Variants in NBPF15 observed in about 807,000 individuals in gnomAD.
NBPF15 encodes the protein NBPF family member NBPF15.
Under a neutral mutation model 62.2 loss-of-function variants are expected in NBPF15, and 74 were observed. The ratio of observed to expected loss-of-function variants is 1.19; its 90% CI spans 0.99 to 1.44. NBPF15 has a LOEUF of 1.44. Among genes scored for constraint, NBPF15 ranks in the 40% most tolerant of loss-of-function variants. The pLI, the probability that NBPF15 is intolerant of heterozygous loss-of-function variation, is 0.00. For synonymous variants in NBPF15, 244 were observed against 209.7 expected, an observed-to-expected ratio of 1.16 and a Z score of -1.41; for missense variants, 790 against 550.0, an observed-to-expected ratio of 1.44 and a Z score of -4.36.
At position 144,451,921 on chromosome 1, in the gene NBPF15, G is replaced by A. The variant is rs1691424357; in HGVS notation, c.-431-1051C>T. ...AATCCTAGCACTTTGAGAGGCCAAG[G>A]CAGGTGGATCACTTGAGGTCAAGAG... On this transcript the variant is annotated intron_variant, in intron 4 of 21. Coordinates refer to ENST00000581897, the MANE Select transcript of NBPF15 (RefSeq NM_001385408.1). 2.0e-5 allele frequency among the ~76,000 whole-genome samples: 3 copies of A among 151,772 alleles called. 1 individual carries two copies. Among genetic ancestry groups the A allele is most frequent in the Non-Finnish European group, 4.4e-5 (3 of 67,978 alleles).
Position 144,439,829 on chromosome 1 carries a change from T to C in NBPF15, c.175A>G (p.Lys59Glu), listed in dbSNP as rs1242156954. 3.8e-6 allele frequency: 6 copies of C among 1,597,160 alleles called. No individual in the cohort carries two copies. The South Asian group carries it at 6.6e-5, about 18-fold the overall frequency. Residue 59 changes from lysine (K) to glutamate (E), a missense_variant and splice_region_variant, in exon 8 of 22, where the codon AAA becomes GAA. Lys to Glu is a moderately conservative substitution (Grantham distance 56). Transcript: ENST00000581897. Reference sequence around the variant, plus strand: ...ATGACGGTGAGCCTATAGATCTTACTGTATTTCTTCTGTCGGTTGGCCAGG... The same window carrying C: ...ATGACGGTGAGCCTATAGATCTTACCGTATTTCTTCTGTCGGTTGGCCAGG... ...GFLANRQKKY[K>E]YEECKDLIKF... is the part of the protein sequence containing the mutation.
intron 4 of NBPF15, among the ~76,000 whole-genome samples, chr1:144,452,531 C>A (rs1490516223): frequency 5.9e-5 from 9 of 151,364 alleles, no homozygotes; most frequent in African/African-American, 2.0e-4. Flanking sequence ...TGACTACAAA[C>A]AGGTTCAAGG....
chr1:144,422,809 G>C lies in NBPF15; in HGVS notation c.*204C>G. On this transcript the variant is annotated 3_prime_UTR_variant, in exon 22 of 22. Transcript: ENST00000581897. ...CCCGGCATGTTCTGCACAGTTATGT[G>C]AACGTGTCACACCTAACATGGGTCC... 3 of 1,303,624 alleles carry C rather than the reference G, an allele frequency of 2.3e-6. No individual in the cohort carries two copies. The highest frequency in any genetic ancestry group is 1.4e-5 in the South Asian group (1 of 69,928). The allele number at this position is 1,303,624 out of a possible 1,614,324, so 80.8% of individuals were successfully genotyped here. A position where few individuals can be genotyped will look rare whatever the true frequency, so the allele number is the denominator to read the frequency against.
chr1:144,427,238 C>T (rs1379933213), intron 16 of NBPF15, 140 bp from the exon 17 acceptor site: 24 of 668,318 alleles, frequency 3.6e-5, no homozygotes, highest in East Asian at 2.3e-4. Flanking sequence ...CTTCAAGAGG[C>T]CTGAAGGCTG....
chr1:144,456,126 G>T (rs1414578611), intron 4 of NBPF15, among the ~76,000 whole-genome samples: 1 of 151,570 alleles, frequency 6.6e-6, no homozygotes, highest in African/African-American at 2.4e-5. Flanking sequence ...TAGCCTGGGG[G>T]ATGCGGGTGG....
chr1:144,431,565 C>T (rs1469515660), intron 13 of NBPF15, among the ~76,000 whole-genome samples: 3 of 146,742 alleles, frequency 2.0e-5, no homozygotes, highest in African/African-American at 7.6e-5. Context: ...CATATGTATA[C>T]ATGTCCACAT....
chr1:144,424,583 T>G lies in NBPF15; in HGVS notation c.1663+107A>C, dbSNP rs1197760800. 8 of 655,860 alleles carry G rather than the reference T, an allele frequency of 1.2e-5. No homozygotes were observed. The African/African-American group carries it at 1.3e-4, about 10-fold the overall frequency. The allele number at this position is 655,860 out of a possible 1,614,324, so 40.6% of individuals were successfully genotyped here. A position where few individuals can be genotyped will look rare whatever the true frequency, so the allele number is the denominator to read the frequency against. ...CCTACATGTGCCTATAGGTCCTCAC[T>G]GCGGCAATGACATCTCTCAGCTCAG... On this transcript the variant is annotated intron_variant, in intron 20 of 21. Coordinates refer to ENST00000581897, the MANE Select transcript of NBPF15 (RefSeq NM_001385408.1).
Position 144,431,295 on chromosome 1 carries a change from A to C in NBPF15, c.825-1432T>G, listed in dbSNP as rs1164723971. On this transcript the variant is annotated intron_variant, in intron 13 of 21. Transcript: ENST00000581897. ...TGTCAGATTCACCAAGGTTGAAATG[A>C]AGGAAAAAATGCTAAGGGCAGCCAG... Among the ~76,000 whole-genome samples the C allele has an allele frequency of 5.2e-3, 777 of 150,620 alleles. 13 individuals carry two copies. Among genetic ancestry groups the C allele is most frequent in the African/African-American group, 0.018 (722 of 40,300 alleles).
Position 144,439,888 on chromosome 1 carries a change from T to C in NBPF15, c.116A>G (p.Lys39Arg). ...AEKKQQFRNL[K>R]EKCFLTQLAG... is the part of the protein sequence containing the mutation. ...CAGTTGAGTTAGAAAACATTTCTCT[T>C]TGAGGTTTCTGAACTGCTGTTTCTT... The change falls in exon 8 of 22, where the codon AAA becomes AGA. Residue 39 changes from lysine (K) to arginine (R), a missense_variant. Transcript: ENST00000581897. 1 of 1,611,236 alleles carries C rather than the reference T, an allele frequency of 6.2e-7. No homozygotes were observed. Among genetic ancestry groups the C allele is most frequent in the Non-Finnish European group, 8.5e-7 (1 of 1,179,072 alleles).
intron 4 of NBPF15, among the ~76,000 whole-genome samples, chr1:144,455,135 GGAAGAAAA>G (rs1558621256): frequency 6.8e-6 from 1 of 147,658 alleles, no homozygotes; most frequent in South Asian, 2.2e-4. Context: ...AAGGGAGGGA[GGAAGAAAA>G]GGAGGGAGGG....
intron 6 of NBPF15, among the ~76,000 whole-genome samples, chr1:144,440,881 G>C (rs1227823206): frequency 1.8e-4 from 27 of 151,532 alleles, no homozygotes; most frequent in South Asian, 4.2e-4. Flanking sequence ...GTGTTAGCCA[G>C]GATGGTCTCG....
In NBPF15 at chr1:144,427,910, C is replaced by A. The variant is rs199724072; in HGVS notation, c.1121G>T (p.Gly374Val). The change falls in exon 16 of 22, where the codon GGT (glycine) becomes GTT (valine). Residue 374 changes from glycine to valine, a missense_variant. Gly to Val is a moderately radical substitution (Grantham distance 109). Transcript: ENST00000581897. ...SLDRCYSTPS[G>V]CLELTDSCQP... ...GCATGAGTCAGTCAGTTCAAGACAA[C>A]CTGAAGGAGTTGAATAACATCTATC... is the stretch of plus-strand genomic sequence containing the variant. 96 of 682,128 alleles carry A rather than the reference C, an allele frequency of 1.4e-4. No individual in the cohort carries two copies. The highest frequency in any genetic ancestry group is 7.7e-4 in the Admixed American group (32 of 41,590). The allele number at this position is 682,128 out of a possible 1,614,324, so 42.3% of individuals were successfully genotyped here.
In NBPF15 at chr1:144,448,752, GCTCT is replaced by G; in HGVS notation, c.-191+19_-191+22del. On this transcript the variant is annotated intron_variant, in intron 6 of 21. Transcript: ENST00000581897. ...AACTACTGGTAGCATCTTTCACAAAGCTCTCTGTGTTTGAGTACGCACCTTGATC... is the reference window on the plus strand; with the variant it reads ...AACTACTGGTAGCATCTTTCACAAAGCTGTGTTTGAGTACGCACCTTGATC... 3.4e-6 allele frequency: 1 copy of G among 291,392 alleles called. No individual in the cohort carries two copies. Among genetic ancestry groups the G allele is most frequent in the Non-Finnish European group, 6.1e-6 (1 of 163,068 alleles). The allele number at this position is 291,392 out of a possible 1,614,324, so 18.1% of individuals were successfully genotyped here.
chr1:144,447,493 A>C (rs4950153), intron 6 of NBPF15, among the ~76,000 whole-genome samples: 3,744 of 130,682 alleles, frequency 0.029, 131 homozygotes, highest in African/African-American at 0.098. Context: ...GGTGCCCCCA[A>C]TGCTAAACCT....
chr1:144,425,426 G>A, intron 19 of NBPF15, 91 bp downstream of exon 19: 4 of 288,686 alleles, frequency 1.4e-5, no homozygotes, highest in Admixed American at 5.8e-5. Context: ...TGGAAAAGAT[G>A]TAATCGATAA....
rs1666875443 is a variant in NBPF15 at position 144,423,134 on chromosome 1, A to C, written c.1892T>G (p.Val631Gly). ...ATGCTCTTCCTCAAATGAGTAAAACACACTTCTGTAGTGCTGGAATGAGTC... is the reference window on the plus strand; with the variant it reads ...ATGCTCTTCCTCAAATGAGTAAAACCCACTTCTGTAGTGCTGGAATGAGTC... ...QPDSFQHYRS[V>G]FYSFEEEHIS... The change falls in exon 22 of 22, where the codon GTG (valine) becomes GGG (glycine). Residue 631 changes from valine to glycine, a missense_variant. Physicochemically the swap from Val to Gly is moderately radical, Grantham distance 109. Coordinates refer to ENST00000581897, the MANE Select transcript of NBPF15 (RefSeq NM_001385408.1). 1 of 1,611,498 alleles carries C rather than the reference A, an allele frequency of 6.2e-7. No homozygotes were observed. Among genetic ancestry groups the C allele is most frequent in the Admixed American group, 1.7e-5 (1 of 59,976 alleles).
Position 144,426,519 on chromosome 1 carries a change from T to G in NBPF15, c.1266-69A>C, listed in dbSNP as rs1411660350. Reference sequence around the variant, plus strand: ...GAAACCACACAGCCCCAGCTAGATTTCATGGCTAACATAAGGAACTGTTTA... The same window carrying G: ...GAAACCACACAGCCCCAGCTAGATTGCATGGCTAACATAAGGAACTGTTTA... On this transcript the variant is annotated intron_variant, in intron 17 of 21. Transcript: ENST00000581897. 26 of 774,460 alleles carry G rather than the reference T, an allele frequency of 3.4e-5. 1 individual carries two copies. The South Asian group carries it at 3.4e-4, about 10-fold the overall frequency. 48.0% of individuals were successfully genotyped at this position (774,460 alleles called of 1,614,324 possible). A position where few individuals can be genotyped will look rare whatever the true frequency, so the allele number is the denominator to read the frequency against.
At position 144,423,125 on chromosome 1, in the gene NBPF15, G is replaced by A. The variant is rs781956311; in HGVS notation, c.1901C>T (p.Ser634Leu). ...GAAGCTGATATGCTCTTCCTCAAAT[G>A]AGTAAAACACACTTCTGTAGTGCTG... ...SFQHYRSVFY[S>L]FEEEHISFAL... Residue 634 changes from serine (S) to leucine (L), a missense_variant, in exon 22 of 22, where the codon TCA becomes TTA. Transcript: ENST00000581897. 18 of 1,611,622 alleles carry A rather than the reference G, an allele frequency of 1.1e-5. 1 individual carries two copies. The highest frequency in any genetic ancestry group is 6.7e-5 in the East Asian group (3 of 44,860).
At chr1:144,429,122 T>A (rs1450306218) in intron 14 of NBPF15, among the ~76,000 whole-genome samples, 2 of 151,856 alleles carry the variant, frequency 1.3e-5, no homozygotes, top group African/African-American at 2.4e-5. Flanking sequence ...TCAGCTATTA[T>A]GGCTTTTGTG....
Sources: gnomAD v4.1 joint callset for allele counts (sites outside exome capture counted in the v4.1 genomes callset) on GRCh38, gnomAD v4.1.1 for gene constraint, MANE v1.5 for transcripts, NCBI Gene and HGNC (gene_info 2026-07-23, HGNC 2026-07-21) for gene names.